The following ATG4C variants were observed in gnomAD, a reference collection of about 807,000 sequenced individuals.
The protein encoded by ATG4C is cysteine protease ATG4C.
In ATG4C, 56 loss-of-function variants were observed where a neutral mutation model predicts 57.6. The observed-to-expected ratio is 0.97, with a 90% CI of 0.78 to 1.21. ATG4C has a LOEUF of 1.21. Among genes scored for constraint, ATG4C ranks in the 50% most tolerant of loss-of-function variants. ATG4C has a pLI of 0.00. For missense variants in ATG4C, 595 were observed against 529.8 expected, an observed-to-expected ratio of 1.12 and a Z score of -1.21; for synonymous variants, 157 against 174.1, an observed-to-expected ratio of 0.90 and a Z score of 0.78.
intron 4 of ATG4C, 36 bp from the exon 5 acceptor site, chr1:62,818,969 A>G: frequency 1.4e-6 from 2 of 1,422,906 alleles, no homozygotes; most frequent in Non-Finnish European, 1.9e-6. Flanking sequence ...GTATCTATTT[A>G]AAAGATCTGA....
chr1:62,819,531 A>G (rs953348409), intron 5 of ATG4C, among the ~76,000 whole-genome samples, 196 bp downstream of exon 5: 1 of 152,066 alleles, frequency 6.6e-6, no homozygotes, highest in Non-Finnish European at 1.5e-5. Context: ...TTATTTACTG[A>G]CAAATTTTTC....
chr1:62,792,188 G>C (rs187757035), intron 1 of ATG4C, among the ~76,000 whole-genome samples: 1,605 of 151,908 alleles, frequency 0.011, 46 homozygotes, highest in African/African-American at 0.036. Flanking sequence ...GTAGAGACAG[G>C]GTTTCACCAA....
intron 7 of ATG4C, among the ~76,000 whole-genome samples, chr1:62,829,813 A>G (rs1336363491): frequency 6.6e-6 from 1 of 152,152 alleles, no homozygotes; most frequent in Non-Finnish European, 1.5e-5. Flanking sequence ...CCTTGGAAAT[A>G]GTTTCTGATT....
Position 62,816,769 on chromosome 1 carries a change from C to T in ATG4C, c.355C>T (p.Leu119Phe), listed in dbSNP as rs1174075064. 13 of 1,609,742 alleles carry T rather than the reference C, an allele frequency of 8.1e-6. No homozygotes were observed. The Middle Eastern group carries it at 8.3e-4, about 103-fold the overall frequency. Residue 119 changes from leucine to phenylalanine, a missense_variant, in exon 4 of 11, where the codon CTC (leucine) becomes TTC (phenylalanine). Physicochemically the swap from Leu to Phe is conservative, Grantham distance 22 (BLOSUM62 0). Transcript: ENST00000317868. ...WGCTLRTGQM[L>F]LAQGLILHFL... is the part of the protein sequence containing the mutation. Reference sequence around the variant, plus strand: ...CTGCACATTGAGAACTGGCCAGATGCTCTTGGCTCAAGGACTCATACTACA... The same window carrying T: ...CTGCACATTGAGAACTGGCCAGATGTTCTTGGCTCAAGGACTCATACTACA...
chr1:62,813,778 G>T (rs1665170702), intron 3 of ATG4C, among the ~76,000 whole-genome samples: 1 of 152,150 alleles, frequency 6.6e-6, no homozygotes. Context: ...ATCAAAAAGT[G>T]GGTGAAGGAT....
intron 7 of ATG4C, among the ~76,000 whole-genome samples, chr1:62,833,535 A>G (rs926165128): frequency 9.9e-5 from 15 of 152,166 alleles, no homozygotes; most frequent in Admixed American, 2.0e-4. Flanking sequence ...CTTTATTTCA[A>G]ATGAAGTAGC....
intron 10 of ATG4C, among the ~76,000 whole-genome samples, 194 bp downstream of exon 10, chr1:62,841,741 A>G (rs1335830278): frequency 6.6e-6 from 1 of 152,176 alleles, no homozygotes; most frequent in Non-Finnish European, 1.5e-5. Context: ...AAATCTAGTG[A>G]CAAGTTGAAA....
In ATG4C at chr1:62,816,684, C is replaced by T. The variant is rs1470891091; in HGVS notation, c.270C>T (p.Thr90=). Residue 90 remains threonine (T), a synonymous_variant, in exon 4 of 11, where the codon ACC becomes ACT. Coordinates refer to ENST00000317868, the MANE Select transcript of ATG4C (RefSeq NM_032852.4). The part of the protein sequence containing the change: ...RKDFISRIWL[T]YREEFPQIEG... ...ATTTCATTTCTAGAATATGGCTGAC[C>T]TACAGGGAAGAATTCCCTCAAATAG... is the stretch of plus-strand genomic sequence containing the variant. The T allele has an allele frequency of 6.2e-7, 1 of 1,613,668 alleles. No individual in the cohort carries two copies. The highest frequency in any genetic ancestry group is 8.5e-7 in the Non-Finnish European group (1 of 1,179,836).
chr1:62,860,645 C>A (rs7521483), intron 10 of ATG4C, among the ~76,000 whole-genome samples: 68,661 of 152,068 alleles, frequency 0.45, 15,613 homozygotes, highest in East Asian at 0.66. Flanking sequence ...AGTGTTACAT[C>A]CACAAGATTA....
Position 62,821,209 on chromosome 1 carries a change from G to T in ATG4C, c.796G>T (p.Val266Phe). 6.4e-7 allele frequency: 1 copy of T among 1,570,818 alleles called. No homozygotes were observed. Reference protein sequence around the residue: ...ITIYVAQDCTVYNSDVIDKQS... With the variant: ...ITIYVAQDCTFYNSDVIDKQS... ...TATTTATGTTGCACAAGATTGTACA[G>T]GTAAGGAATGTATATAATTCTAATC... is the stretch of plus-strand genomic sequence containing the variant. Residue 266 changes from valine to phenylalanine, a missense_variant and splice_region_variant, in exon 6 of 11, where the codon GTT (valine) becomes TTT (phenylalanine). Coordinates refer to ENST00000317868, the MANE Select transcript of ATG4C (RefSeq NM_032852.4).
chr1:62,807,410 G>A (rs1664916882), intron 3 of ATG4C, among the ~76,000 whole-genome samples: 1 of 152,166 alleles, frequency 6.6e-6, no homozygotes, highest in South Asian at 2.1e-4. Context: ...TTGTTCTAAT[G>A]AGGTGACTCT....
chr1:62,808,382 T>A (rs1021484263), intron 3 of ATG4C, among the ~76,000 whole-genome samples: 3 of 152,018 alleles, frequency 2.0e-5, no homozygotes, highest in African/African-American at 7.2e-5. Context: ...TAATTTAAAT[T>A]CGGGTATGTG....
At chr1:62,784,420 TC>T (rs1406443078) in intron 1 of ATG4C, 147 bp downstream of exon 1, 1 of 152,460 alleles carries the variant, frequency 6.6e-6, no homozygotes, top group African/African-American at 2.4e-5. Context: ...TTTGGCGCCT[TC>T]CTTGTCTCTC....
chr1:62,814,544 G>A (rs1665199460), intron 3 of ATG4C, among the ~76,000 whole-genome samples: 1 of 152,084 alleles, frequency 6.6e-6, no homozygotes, highest in South Asian at 2.1e-4. Flanking sequence ...GTATACCTAT[G>A]TAACAAACCT....
At chr1:62,825,050 A>G (rs1008429979) in intron 6 of ATG4C, among the ~76,000 whole-genome samples, 3 of 152,084 alleles carry the variant, frequency 2.0e-5, no homozygotes, top group African/African-American at 7.2e-5. Context: ...AGCCTGGCCA[A>G]TATGGTGAAA....
At chr1:62,809,641 A>C (rs970527427) in intron 3 of ATG4C, among the ~76,000 whole-genome samples, 2 of 147,834 alleles carry the variant, frequency 1.4e-5, no homozygotes, top group Non-Finnish European at 3.0e-5. Flanking sequence ...ATATATACAT[A>C]TATGTATATA....
At chr1:62,863,676 A>G (rs1323668095) in intron 10 of ATG4C, among the ~76,000 whole-genome samples, 7 of 152,096 alleles carry the variant, frequency 4.6e-5, no homozygotes, top group Non-Finnish European at 1.0e-4. Flanking sequence ...AAGAAGATAA[A>G]TTACAACCTA....
At position 62,861,626 on chromosome 1, in the gene ATG4C, CAG is replaced by C. The variant is rs1553231529; in HGVS notation, c.1210-2360_1210-2359del. On this transcript the variant is annotated intron_variant, in intron 10 of 10. Coordinates refer to ENST00000317868, the MANE Select transcript of ATG4C (RefSeq NM_032852.4). ...ACACACACACACACACACACACACA[CAG>C]AGAGACACAAACACATGAGAAAAAT... Among the ~76,000 whole-genome samples, 182 of 29,354 alleles carry C rather than the reference CAG, an allele frequency of 6.2e-3. 2 individuals are homozygous for C. Among genetic ancestry groups the C allele is most frequent in the South Asian group, 0.016 (10 of 624 alleles). 19.3% of individuals were successfully genotyped at this position (29,354 alleles called of 152,430 possible).
chr1:62,804,927 A>T (rs1664807417), intron 2 of ATG4C, among the ~76,000 whole-genome samples: 1 of 152,090 alleles, frequency 6.6e-6, no homozygotes, highest in Non-Finnish European at 1.5e-5. Context: ...TTTCTTTCTT[A>T]TGTCCTTTAA....
Sources: allele counts gnomAD v4.1 joint callset (sites outside exome capture counted in the v4.1 genomes callset), GRCh38; gene constraint gnomAD v4.1.1; transcripts MANE v1.5; gene names NCBI Gene and HGNC (gene_info 2026-07-23, HGNC 2026-07-21).